Variants in SNX30 observed in about 807,000 individuals in gnomAD.
SNX30 encodes sorting nexin family member 30, also known as sorting nexin-30.
In SNX30, 24 loss-of-function variants were observed where a neutral mutation model predicts 46.4. The observed-to-expected ratio is 0.52, with a 90% CI of 0.37 to 0.73. The LOEUF is 0.73. Ranked by LOEUF, SNX30 falls within the 30% of genes least tolerant of loss-of-function variation. SNX30 has a pLI of 0.00. For missense variants in SNX30, 533 were observed against 555.7 expected (o/e 0.96, Z 0.41); for synonymous variants, 189 against 211.5 (o/e 0.89, Z 0.92).
rs1275592752 is a variant in SNX30, at chr9:112,869,367, C to T, written c.*524C>T. 13 of 172,576 alleles carry T rather than the reference C, an allele frequency of 7.5e-5. No homozygotes were observed. In the East Asian group the frequency reaches 1.9e-3, roughly 25 times the overall value. The allele number at this position is 172,576 out of a possible 1,614,324, so 10.7% of individuals were successfully genotyped here. ...GCCTCCCTGGCAAGTCCTTAACGTA[C>T]AGTACCTGTAGCTGTGAGTGTGGCC... On this transcript the variant is annotated 3_prime_UTR_variant, in exon 9 of 9. Transcript: ENST00000374232.
intron 5 of SNX30, 89 bp from the exon 6 acceptor site, chr9:112,838,409 G>A: frequency 9.2e-7 from 1 of 1,083,496 alleles, no homozygotes. Context: ...TGTTCATGTA[G>A]AGAGCTCTTG....
chr9:112,863,286 A>G (rs1350567083), intron 7 of SNX30, among the ~76,000 whole-genome samples: 1 of 152,176 alleles, frequency 6.6e-6, no homozygotes, highest in African/African-American at 2.4e-5. Flanking sequence ...CCAAACATAA[A>G]AGGCCTCACT....
chr9:112,830,386 T>A (rs908609251), intron 3 of SNX30, among the ~76,000 whole-genome samples: 1 of 152,092 alleles, frequency 6.6e-6, no homozygotes, highest in African/African-American at 2.4e-5. Flanking sequence ...TTTCTTTTTC[T>A]TTTTCTTCTT....
chr9:112,764,661 CAAG>C (rs757809210), intron 1 of SNX30, among the ~76,000 whole-genome samples: 14 of 152,068 alleles, frequency 9.2e-5, no homozygotes, highest in Non-Finnish European at 1.9e-4. Context: ...GCAAGGAGTC[CAAG>C]AAGAAGGCTG....
Position 112,870,859 on chromosome 9 carries a change from T to G in SNX30, c.*2016T>G, listed in dbSNP as rs1245605339. ...AGGAAGCTTTACCTTGGGGAAGGTA[T>G]GCTTTACAAATGTCCAGTGTAATGA... On this transcript the variant is annotated 3_prime_UTR_variant, in exon 9 of 9. Transcript: ENST00000374232. 6.6e-6 allele frequency: 1 copy of G among 152,242 alleles called. No individual in the cohort carries two copies. The highest frequency in any genetic ancestry group is 1.5e-5 in the Non-Finnish European group (1 of 68,052). 9.4% of individuals were successfully genotyped at this position (152,242 alleles called of 1,614,324 possible).
intron 4 of SNX30, among the ~76,000 whole-genome samples, chr9:112,833,671 C>T (rs150028932): frequency 3.9e-5 from 6 of 152,242 alleles, no homozygotes; most frequent in Admixed American, 6.5e-5. Flanking sequence ...AACGGGGACA[C>T]GCTTTCAAAG....
chr9:112,806,399 C>CACATAACAAAGAATG (rs1452690548), intron 2 of SNX30, among the ~76,000 whole-genome samples: 1 of 151,910 alleles, frequency 6.6e-6, no homozygotes, highest in Non-Finnish European at 1.5e-5. Flanking sequence ...CCCACCAAGT[C>CACATAACAAAGAATG]ACATAACAAA....
intron 7 of SNX30, among the ~76,000 whole-genome samples, chr9:112,860,167 C>T (rs1027509253): frequency 2.0e-5 from 3 of 152,006 alleles, no homozygotes; most frequent in South Asian, 4.2e-4. Context: ...AGGGTGGTCT[C>T]GATCTCTTGA....
intron 1 of SNX30, among the ~76,000 whole-genome samples, chr9:112,774,210 C>T (rs1198455524): frequency 6.6e-6 from 1 of 152,042 alleles, no homozygotes; most frequent in Non-Finnish European, 1.5e-5. Flanking sequence ...TCTTCTACCC[C>T]AAGATTAAAA....
chr9:112,792,247 GT>G (rs1268427084), intron 1 of SNX30, among the ~76,000 whole-genome samples: 1 of 152,066 alleles, frequency 6.6e-6, no homozygotes, highest in Non-Finnish European at 1.5e-5. Flanking sequence ...ATCTGTTTAG[GT>G]TTTTTCTCTC....
rs996083778 is a variant in SNX30 at position 112,874,628 on chromosome 9, G to A, written c.*5785G>A. ...AAACAAAAGCTGTGATAAAAAAAGT[G>A]CTTGAGAGAGTGTGTTGATAAGAAA... On this transcript the variant is annotated 3_prime_UTR_variant, in exon 9 of 9. Coordinates refer to ENST00000374232, the MANE Select transcript of SNX30 (RefSeq NM_001012994.2). 3 of 152,174 alleles carry A rather than the reference G, an allele frequency of 2.0e-5. No individual in the cohort carries two copies. Among genetic ancestry groups the A allele is most frequent in the Non-Finnish European group, 4.4e-5 (3 of 68,036 alleles). The allele number at this position is 152,174 out of a possible 1,614,324, so 9.4% of individuals were successfully genotyped here.
chr9:112,859,176 TATA>T (rs1321914457), intron 7 of SNX30, among the ~76,000 whole-genome samples: 2 of 152,180 alleles, frequency 1.3e-5, no homozygotes, highest in Non-Finnish European at 2.9e-5. Flanking sequence ...TCTAGAATAA[TATA>T]ATATTTATCC....
chr9:112,794,266 C>T (rs560470916), intron 1 of SNX30, among the ~76,000 whole-genome samples: 21 of 152,102 alleles, frequency 1.4e-4, no homozygotes, highest in Non-Finnish European at 2.4e-4. Context: ...AGTTCTCCTG[C>T]CTCAGCCTCC....
intron 1 of SNX30, among the ~76,000 whole-genome samples, chr9:112,788,726 A>G (rs968794241): frequency 6.6e-6 from 1 of 152,202 alleles, no homozygotes; most frequent in African/African-American, 2.4e-5. Context: ...CCTTAGGTTT[A>G]TAAGTTTTCA....
intron 1 of SNX30, among the ~76,000 whole-genome samples, chr9:112,760,913 G>C (rs539684302): frequency 6.6e-6 from 1 of 152,268 alleles, no homozygotes; most frequent in African/African-American, 2.4e-5. Context: ...GTTGGAGGGG[G>C]CTTTCAGATG....
chr9:112,781,281 T>C (rs547501691), intron 1 of SNX30, among the ~76,000 whole-genome samples: 85 of 152,374 alleles, frequency 5.6e-4, no homozygotes, highest in African/African-American at 1.9e-3. Context: ...TTTGTTCATT[T>C]TTGTAGTGGA....
rs201648369 is a variant in SNX30, at chr9:112,819,268, T to TTC, written c.459+1454_459+1455insCT. Among the ~76,000 whole-genome samples the TTC allele has an allele frequency of 4.7e-3, 670 of 143,836 alleles. 4 individuals carry two copies. Among genetic ancestry groups the TTC allele is most frequent in the Admixed American group, 7.5e-3 (108 of 14,462 alleles). The allele number at this position is 143,836 out of a possible 152,430, so 94.4% of individuals were successfully genotyped here. ...TTCCTTTTTATTTTTCTTTCTTTCTTTTTTTTTTTTTTTTTTGAGATGAAG... is the reference window on the plus strand; with the variant it reads ...TTCCTTTTTATTTTTCTTTCTTTCTTTCTTTTTTTTTTTTTTTTGAGATGAAG... On this transcript the variant is annotated intron_variant, in intron 3 of 8. Coordinates refer to ENST00000374232, the MANE Select transcript of SNX30 (RefSeq NM_001012994.2).
At chr9:112,767,699 C>T (rs553672926) in intron 1 of SNX30, among the ~76,000 whole-genome samples, 2 of 152,290 alleles carry the variant, frequency 1.3e-5, no homozygotes, top group South Asian at 4.1e-4. Flanking sequence ...AAGTGATCCT[C>T]CCATCTCAGC....
At chr9:112,845,190 T>C (rs1351183565) in intron 6 of SNX30, among the ~76,000 whole-genome samples, 1 of 152,084 alleles carries the variant, frequency 6.6e-6, no homozygotes, top group African/African-American at 2.4e-5. Context: ...TAAAACGATT[T>C]TGAAAAAAGT....
Sources: allele counts gnomAD v4.1 joint callset (sites outside exome capture counted in the v4.1 genomes callset), GRCh38; gene constraint gnomAD v4.1.1; transcripts MANE v1.5; gene names NCBI Gene and HGNC (gene_info 2026-07-23, HGNC 2026-07-21).